Variants in PCLO observed in about 807,000 individuals in gnomAD.
The protein encoded by PCLO is protein piccolo.
A neutral mutation model predicts 427.5 loss-of-function variants in PCLO; 82 were observed. The ratio of observed to expected loss-of-function variants is 0.19; its 90% CI spans 0.16 to 0.23. The LOEUF (loss-of-function observed/expected upper bound fraction) is 0.23, where lower values mean the gene tolerates loss of function less well. PCLO is among the 10% of genes least tolerant of loss of function. PCLO has a pLI of 1.00. For missense variants in PCLO, 6,239 were observed against 6,115.9 expected, an observed-to-expected ratio of 1.02 and a Z score of -0.67; for synonymous variants, 2,357 against 2,155.4, an observed-to-expected ratio of 1.09 and a Z score of -2.59.
At chr7:82,804,815 A>C (rs890944264) in intron 21 of PCLO, among the ~76,000 whole-genome samples, 1 of 152,204 alleles carries the variant, frequency 6.6e-6, no homozygotes, top group African/African-American at 2.4e-5. Context: ...CACTTTCGAA[A>C]ATGGAAATGC....
rs769482409 is a variant in PCLO at position 82,952,637 on chromosome 7, T to C, written c.8316A>G (p.Gln2772=). ...EVYGKQISAV[Q]PSIINLSVTS... ...TCACACTAAGATTTATAATAGAGGG[T>C]TGGACAGCACTAATTTGTTTCCCAT... is the stretch of plus-strand genomic sequence containing the variant. Residue 2772 remains glutamine (Q), a synonymous_variant, in exon 5 of 25, where the codon CAA becomes CAG. Transcript: ENST00000333891. The C allele has an allele frequency of 4.3e-6, 7 of 1,613,860 alleles. No individual in the cohort carries two copies. The highest frequency in any genetic ancestry group is 5.9e-6 in the Non-Finnish European group (7 of 1,179,790).
chr7:82,795,982 T>C (rs1791215095), intron 22 of PCLO, among the ~76,000 whole-genome samples: 1 of 152,174 alleles, frequency 6.6e-6, no homozygotes, highest in Non-Finnish European at 1.5e-5. Context: ...AAAGAAGACA[T>C]TTCAAAAAAT....
intron 9 of PCLO, 41 bp downstream of exon 9, chr7:82,902,609 CA>C (rs764375122): frequency 2.5e-6 from 3 of 1,205,810 alleles, no homozygotes; most frequent in Middle Eastern, 2.2e-4. Flanking sequence ...CAAAACAAAA[CA>C]AAAAAACAAA....
chr7:83,045,642 T>C (rs1258908273), intron 3 of PCLO, among the ~76,000 whole-genome samples: 3 of 152,112 alleles, frequency 2.0e-5, no homozygotes, highest in African/African-American at 7.2e-5. Context: ...CTGTCTAATA[T>C]AGAAATATTC....
At chr7:82,799,516 A>T (rs1791297108) in intron 22 of PCLO, among the ~76,000 whole-genome samples, 1 of 152,228 alleles carries the variant, frequency 6.6e-6, no homozygotes, top group Admixed American at 6.5e-5. Context: ...ACGTAGCTTG[A>T]TGCATCCATG....
intron 3 of PCLO, among the ~76,000 whole-genome samples, chr7:83,015,751 G>T (rs1358167668): frequency 5.3e-5 from 8 of 152,028 alleles, no homozygotes; most frequent in Non-Finnish European, 1.2e-4. Flanking sequence ...CTGTATAATA[G>T]ACTAGTATTT....
chr7:83,021,652 T>C (rs535972747), intron 3 of PCLO, among the ~76,000 whole-genome samples: 24 of 152,284 alleles, frequency 1.6e-4, no homozygotes, highest in African/African-American at 5.8e-4. Flanking sequence ...AATAAAAACA[T>C]ATTTCAGTAA....
At chr7:83,108,762 A>G (rs952967293) in intron 3 of PCLO, among the ~76,000 whole-genome samples, 1 of 139,598 alleles carries the variant, frequency 7.2e-6, no homozygotes, top group Non-Finnish European at 1.5e-5. Context: ...TATATAATGT[A>G]ATTATATTAT....
chr7:82,850,684 A>G (rs760825431), intron 10 of PCLO, among the ~76,000 whole-genome samples: 173 of 152,290 alleles, frequency 1.1e-3, no homozygotes, highest in Middle Eastern at 6.8e-3. Context: ...TATGCCACAC[A>G]AAAGCTCCTG....
chr7:83,097,808 GATC>G (rs1444407994), intron 3 of PCLO, among the ~76,000 whole-genome samples: 1 of 151,632 alleles, frequency 6.6e-6, no homozygotes, highest in Non-Finnish European at 1.5e-5. Context: ...CCGTGAGCAT[GATC>G]ATATTTTAAA....
chr7:83,088,900 A>C (rs954021900), intron 3 of PCLO, among the ~76,000 whole-genome samples: 4 of 152,154 alleles, frequency 2.6e-5, no homozygotes, highest in Non-Finnish European at 4.4e-5. Context: ...CTTTTGAAAA[A>C]TCAAAAGTGA....
intron 9 of PCLO, chr7:82,880,346 T>G (rs562185707): frequency 5.3e-5 from 19 of 356,796 alleles, no homozygotes; most frequent in African/African-American, 4.0e-4. Context: ...AGACCATTAT[T>G]TTGAAAGGCA....
At chr7:82,985,835 T>C (rs1046798990) in intron 3 of PCLO, among the ~76,000 whole-genome samples, 3 of 151,856 alleles carry the variant, frequency 2.0e-5, no homozygotes, top group Admixed American at 1.3e-4. Context: ...TCACTCTGCA[T>C]TTCAACCAGG....
At chr7:82,875,128 T>C (rs780975235) in intron 10 of PCLO, among the ~76,000 whole-genome samples, 2 of 152,154 alleles carry the variant, frequency 1.3e-5, no homozygotes, top group African/African-American at 4.8e-5. Flanking sequence ...TAAATGTTAC[T>C]GGAAAATAAA....
intron 3 of PCLO, among the ~76,000 whole-genome samples, chr7:83,090,344 C>T (rs901528426): frequency 3.9e-5 from 6 of 152,088 alleles, no homozygotes; most frequent in African/African-American, 7.2e-5. Context: ...ATCCAAGAAA[C>T]AGAAAGTAAA....
chr7:83,071,208 C>A (rs1035722617), intron 3 of PCLO, among the ~76,000 whole-genome samples: 1 of 152,100 alleles, frequency 6.6e-6, no homozygotes, highest in Non-Finnish European at 1.5e-5. Flanking sequence ...GCAGTAACTC[C>A]CTATTCCTCT....
At position 82,798,725 on chromosome 7, in the gene PCLO, C is replaced by T. The variant is rs562130841; in HGVS notation, c.15007+2793G>A. ...AATATTTTGCTTATAGTGATTCATGCCCAATTCATATAGATACGTAGATTA... is the reference window on the plus strand; with the variant it reads ...AATATTTTGCTTATAGTGATTCATGTCCAATTCATATAGATACGTAGATTA... On this transcript the variant is annotated intron_variant, in intron 22 of 24. Transcript: ENST00000333891. 5.9e-5 allele frequency among the ~76,000 whole-genome samples: 9 copies of T among 152,172 alleles called. No individual in the cohort carries two copies. The South Asian group carries it at 6.2e-4, about 11-fold the overall frequency.
At chr7:83,147,528 A>C (rs562335118) in intron 2 of PCLO, among the ~76,000 whole-genome samples, 4 of 152,314 alleles carry the variant, frequency 2.6e-5, no homozygotes, top group African/African-American at 9.6e-5. Context: ...GTGACAAGCA[A>C]AGAATGAACA....
intron 3 of PCLO, among the ~76,000 whole-genome samples, chr7:83,021,464 A>G (rs1191630610): frequency 6.6e-6 from 1 of 152,178 alleles, no homozygotes; most frequent in Non-Finnish European, 1.5e-5. Context: ...TCTTATTTAG[A>G]TAACAGAGAT....
Sources: gnomAD v4.1 joint callset for allele counts (sites outside exome capture counted in the v4.1 genomes callset) on GRCh38, gnomAD v4.1.1 for gene constraint, MANE v1.5 for transcripts, NCBI Gene and HGNC (gene_info 2026-07-23, HGNC 2026-07-21) for gene names.